The following PHF19 variants were observed in gnomAD, a reference collection of about 807,000 sequenced individuals.
PHF19 encodes the protein PHD finger protein 19.
In PHF19, 21 loss-of-function variants were observed where a neutral mutation model predicts 79.8. That is an observed-to-expected ratio of 0.26 (90% CI 0.19 to 0.38). PHF19 has a LOEUF of 0.38. Ranked by LOEUF, PHF19 falls within the 10% of genes least tolerant of loss-of-function variation. PHF19 has a pLI of 1.00. For synonymous variants in PHF19, 273 were observed against 296.3 expected (o/e 0.92, Z 0.81); for missense variants, 445 against 744.2 (o/e 0.60, Z 4.68).
chr9:120,860,062 G>C lies in PHF19; in HGVS notation c.1400+28C>G. ...AGAGGAATGATGGTCCTTGCAAAAT[G>C]TGAAGGCCAGACCTCTAGGAAGCTC... On this transcript the variant is annotated intron_variant, in intron 14 of 14. Transcript: ENST00000373896. This position sits in a 1 kb window ranked among gnomAD's most constrained non-coding sequence, Gnocchi z 4.1. 8.2e-7 allele frequency: 1 copy of C among 1,215,224 alleles called. No individual in the cohort carries two copies. Among genetic ancestry groups the C allele is most frequent in the Non-Finnish European group, 1.2e-6 (1 of 835,758 alleles). 75.3% of individuals were successfully genotyped at this position (1,215,224 alleles called of 1,614,324 possible).
chr9:120,869,156 C>CG lies in PHF19; in HGVS notation c.614+25dup, dbSNP rs770257219. The CG allele has an allele frequency of 3.8e-6, 6 of 1,589,038 alleles. No homozygotes were observed. Among genetic ancestry groups the CG allele is most frequent in the East Asian group, 4.5e-5 (2 of 44,044 alleles). ...ATTCTTGGAGACCTGCCCTGCCGCCCGGGGGGCCCTGACCCCCTGCCTTAC... is the reference window on the plus strand; with the variant it reads ...ATTCTTGGAGACCTGCCCTGCCGCCCGGGGGGGCCCTGACCCCCTGCCTTAC... On this transcript the variant is annotated intron_variant, in intron 6 of 14. Coordinates refer to ENST00000373896, the MANE Select transcript of PHF19 (RefSeq NM_015651.3). The surrounding 1 kb of genome is among the most constrained non-coding windows in gnomAD (Gnocchi z 5.8).
rs558378441 is a variant in PHF19, at chr9:120,874,347, A to C, written c.186+209T>G. ...TTTTTGTTTTGTAGGCTCTCAGAGC[A>C]CTTTTCTAAAGAACTAGTTGGATGA... is the stretch of plus-strand genomic sequence containing the variant. On this transcript the variant is annotated intron_variant, in intron 2 of 14. Coordinates refer to ENST00000373896, the MANE Select transcript of PHF19 (RefSeq NM_015651.3). The surrounding 1 kb of genome is among the most constrained non-coding windows in gnomAD (Gnocchi z 4.5). Among the ~76,000 whole-genome samples the C allele has an allele frequency of 6.6e-6, 1 of 152,140 alleles. No individual in the cohort carries two copies. The highest frequency in any genetic ancestry group is 6.6e-5 in the Admixed American group (1 of 15,266).
chr9:120,869,682 G>C lies in PHF19; in HGVS notation c.465+163C>G. On this transcript the variant is annotated intron_variant, in intron 5 of 14. Transcript: ENST00000373896. This position sits in a 1 kb window ranked among gnomAD's most constrained non-coding sequence, Gnocchi z 5.8. Reference sequence around the variant, plus strand: ...ACAGTTGAGGAAACTGAGGCTCAGGGAGTCTACAAATCCTGGCCAAGGACA... The same window carrying C: ...ACAGTTGAGGAAACTGAGGCTCAGGCAGTCTACAAATCCTGGCCAAGGACA... 1.3e-6 allele frequency: 2 copies of C among 1,550,742 alleles called. No individual in the cohort carries two copies.
chr9:120,893,656 C>T (rs1329390123), intron 1 of PHF19, among the ~76,000 whole-genome samples: 1 of 152,218 alleles, frequency 6.6e-6, no homozygotes, highest in Non-Finnish European at 1.5e-5. Context: ...CTTTAGAAAG[C>T]ACACGTCATG....
upstream of PHF19, among the ~76,000 whole-genome samples, chr9:120,881,167 T>TGA (rs1166987050): frequency 2.1e-4 from 26 of 124,682 alleles, no homozygotes; most frequent in South Asian, 2.3e-3. Flanking sequence ...TTTTTTTTTT[T>TGA]GAGAGAGTCT....
At chr9:120,894,745 C>T (rs1375853240) in intron 1 of PHF19, 12 of 1,151,070 alleles carry the variant, frequency 1.0e-5, no homozygotes, top group Non-Finnish European at 1.3e-5. Flanking sequence ...GCTCCCCAGC[C>T]TCGCGCCCGC....
intron 1 of PHF19, among the ~76,000 whole-genome samples, chr9:120,883,566 C>T (rs2046219820): frequency 6.6e-6 from 1 of 151,990 alleles, no homozygotes; most frequent in Admixed American, 6.6e-5. Context: ...CGAGCCCAGC[C>T]TGGGCAACTT....
intron 1 of PHF19, among the ~76,000 whole-genome samples, chr9:120,875,640 C>T (rs2046024983): frequency 1.3e-5 from 2 of 152,178 alleles, no homozygotes; most frequent in African/African-American, 4.8e-5. Context: ...GCCATTCATT[C>T]ATTCATTCAT....
intron 6 of PHF19, chr9:120,868,632 G>A (rs527242385): frequency 2.5e-5 from 5 of 201,200 alleles, no homozygotes; most frequent in Non-Finnish European, 3.6e-5. Context: ...TAGATGCCAC[G>A]CGGAGCCGGC....
At position 120,866,984 on chromosome 9, in the gene PHF19, C is replaced by T; in HGVS notation, c.615-19G>A. 6.7e-7 allele frequency: 1 copy of T among 1,491,864 alleles called. No individual in the cohort carries two copies. The highest frequency in any genetic ancestry group is 1.7e-5 in the Admixed American group (1 of 59,790). 92.4% of individuals were successfully genotyped at this position (1,491,864 alleles called of 1,614,324 possible). A position where few individuals can be genotyped will look rare whatever the true frequency, so the allele number is the denominator to read the frequency against. On this transcript the variant is annotated intron_variant, in intron 6 of 14. Coordinates refer to ENST00000373896, the MANE Select transcript of PHF19 (RefSeq NM_015651.3). The surrounding 1 kb of genome is among the most constrained non-coding windows in gnomAD (Gnocchi z 5.2). ...GTACCATCTGGAGAGACAGAGGAGCCAAGGTCAGCCAGGACCACACCCCCA... is the reference window on the plus strand; with the variant it reads ...GTACCATCTGGAGAGACAGAGGAGCTAAGGTCAGCCAGGACCACACCCCCA...
upstream of PHF19, among the ~76,000 whole-genome samples, chr9:120,898,230 C>A (rs1410371723): frequency 6.6e-6 from 1 of 152,184 alleles, no homozygotes; most frequent in Non-Finnish European, 1.5e-5. Flanking sequence ...GATTCTCCTG[C>A]CTTAGCCTCC....
intron 1 of PHF19, among the ~76,000 whole-genome samples, chr9:120,890,554 C>T (rs1006665255): frequency 7.9e-5 from 12 of 152,054 alleles, no homozygotes; most frequent in Non-Finnish European, 1.6e-4. Flanking sequence ...TTCCTGGTTC[C>T]GAGTCAAAGG....
chr9:120,874,072 A>T lies in PHF19; in HGVS notation c.187-12T>A, dbSNP rs771885086. 7 of 1,527,084 alleles carry T rather than the reference A, an allele frequency of 4.6e-6. No individual in the cohort carries two copies. Among genetic ancestry groups the T allele is most frequent in the Non-Finnish European group, 6.3e-6 (7 of 1,105,788 alleles). The allele number at this position is 1,527,084 out of a possible 1,614,324, so 94.6% of individuals were successfully genotyped here. A position where few individuals can be genotyped will look rare whatever the true frequency, so the allele number is the denominator to read the frequency against. ...TTAGAGCTGCTGACCTGGGGTACAGATAGGAAGGAGCAAGTGAGAAAGGGC... is the reference window on the plus strand; with the variant it reads ...TTAGAGCTGCTGACCTGGGGTACAGTTAGGAAGGAGCAAGTGAGAAAGGGC... On this transcript the variant is annotated splice_polypyrimidine_tract_variant and intron_variant, in intron 2 of 14. Coordinates refer to ENST00000373896, the MANE Select transcript of PHF19 (RefSeq NM_015651.3). The surrounding 1 kb of genome is among the most constrained non-coding windows in gnomAD (Gnocchi z 4.5).
chr9:120,868,024 C>T lies in PHF19; in HGVS notation c.615-1059G>A, dbSNP rs556740619. Among the ~76,000 whole-genome samples, 15 of 152,278 alleles carry T rather than the reference C, an allele frequency of 9.9e-5. No homozygotes were observed. The South Asian group carries it at 3.1e-3, about 32-fold the overall frequency. ...GTGGCCCCGACATAGCATGCCCCGC[C>T]CCCCGGCCCCCTACCCCTGCCTGAT... On this transcript the variant is annotated intron_variant, in intron 6 of 14. Coordinates refer to ENST00000373896, the MANE Select transcript of PHF19 (RefSeq NM_015651.3).
At position 120,865,737 on chromosome 9, in the gene PHF19, G is replaced by T; in HGVS notation, c.873C>A (p.His291Gln). The T allele has an allele frequency of 1.2e-6, 2 of 1,614,176 alleles. No homozygotes were observed. The highest frequency in any genetic ancestry group is 1.7e-6 in the Non-Finnish European group (2 of 1,180,026). Reference protein sequence around the residue: ...DFEEILAFVNHHWELLQLGKL... With the variant: ...DFEEILAFVNQHWELLQLGKL... ...TGCCAAGCTGCAGGAGCTCCCAGTG[G>T]TGGTTGACAAAGGCCAGAATCTCCT... The change falls in exon 9 of 15, where the codon CAC (histidine) becomes CAA (glutamine). Residue 291 changes from histidine (H) to glutamine (Q), a missense_variant. Transcript: ENST00000373896.
intron 12 of PHF19, 38 bp downstream of exon 12, chr9:120,861,880 G>T: frequency 1.4e-6 from 2 of 1,389,478 alleles, no homozygotes; most frequent in Non-Finnish European, 2.1e-6. Flanking sequence ...TGCTGACCCT[G>T]CGTATGAAAA....
chr9:120,860,411 C>A lies in PHF19; in HGVS notation c.1305-226G>T. 1 of 523,028 alleles carries A rather than the reference C, an allele frequency of 1.9e-6. No individual in the cohort carries two copies. 32.4% of individuals were successfully genotyped at this position (523,028 alleles called of 1,614,324 possible). ...CACCCTCCCCTGGCGGTGACGTAAGCACTGGTGTCAATAACTCGAGCGTGA... is the reference window on the plus strand; with the variant it reads ...CACCCTCCCCTGGCGGTGACGTAAGAACTGGTGTCAATAACTCGAGCGTGA... On this transcript the variant is annotated intron_variant, in intron 13 of 14. Transcript: ENST00000373896. The surrounding 1 kb of genome is among the most constrained non-coding windows in gnomAD (Gnocchi z 4.1).
upstream of PHF19, among the ~76,000 whole-genome samples, chr9:120,877,556 C>T (rs1281624749): frequency 1.3e-5 from 2 of 152,006 alleles, no homozygotes; most frequent in Non-Finnish European, 2.9e-5. Context: ...GCGCTCATGG[C>T]GCACACGACC....
Position 120,870,641 on chromosome 9 carries a change from G to T in PHF19, c.269-103C>A. On this transcript the variant is annotated intron_variant, in intron 3 of 14. Transcript: ENST00000373896. This position sits in a 1 kb window ranked among gnomAD's most constrained non-coding sequence, Gnocchi z 4.4. Reference sequence around the variant, plus strand: ...TCTAATGTCTGCTAGGCCTAGCGCTGGGCCCCACATGCCACCTCACTGAAT... The same window carrying T: ...TCTAATGTCTGCTAGGCCTAGCGCTTGGCCCCACATGCCACCTCACTGAAT... 1.4e-6 allele frequency: 1 copy of T among 711,010 alleles called. No homozygotes were observed. The highest frequency in any genetic ancestry group is 2.6e-5 in the East Asian group (1 of 38,100). The allele number at this position is 711,010 out of a possible 1,614,324, so 44.0% of individuals were successfully genotyped here.
Sources: gnomAD v4.1 joint callset for allele counts (sites outside exome capture counted in the v4.1 genomes callset) on GRCh38, gnomAD v4.1.1 for gene constraint, Gnocchi (gnomAD v3.1) non-coding constraint, MANE v1.5 for transcripts, NCBI Gene and HGNC (gene_info 2026-07-23, HGNC 2026-07-21) for gene names.